The following ATP8A2 variants were observed in gnomAD, a reference collection of about 807,000 sequenced individuals.
The protein encoded by ATP8A2 is ATPase phospholipid transporting 8A2.
ATP8A2 carries 100 observed loss-of-function variants against 165.6 expected under a neutral mutation model. The observed-to-expected ratio is 0.60, with a 90% confidence interval of 0.51 to 0.71. The LOEUF is 0.71. Ranked by LOEUF, ATP8A2 falls within the 30% of genes least tolerant of loss-of-function variation. ATP8A2 has a pLI of 0.00. For synonymous variants in ATP8A2, 543 were observed against 548.8 expected (o/e 0.99, Z 0.15); for missense variants, 1,227 against 1,479.5 (o/e 0.83, Z 2.80).
intron 24 of ATP8A2, among the ~76,000 whole-genome samples, chr13:25,612,366 A>G (rs1417361170): frequency 6.6e-6 from 1 of 151,892 alleles, no homozygotes; most frequent in Non-Finnish European, 1.5e-5. Context: ...TAATTTTTAA[A>G]TTTTTCTCTT....
At chr13:25,768,648 G>T (rs990476312) in intron 25 of ATP8A2, among the ~76,000 whole-genome samples, 6 of 152,144 alleles carry the variant, frequency 3.9e-5, no homozygotes, top group Admixed American at 3.9e-4. Flanking sequence ...GGTTGTATAT[G>T]ATGTACCATA....
chr13:25,835,225 G>A (rs1459235650), intron 28 of ATP8A2, among the ~76,000 whole-genome samples: 1 of 152,140 alleles, frequency 6.6e-6, no homozygotes, highest in East Asian at 1.9e-4. Flanking sequence ...ATGGCTCCTG[G>A]CTTCTGGTAG....
At chr13:25,631,877 CA>C (rs1297628066) in intron 24 of ATP8A2, among the ~76,000 whole-genome samples, 3 of 148,508 alleles carry the variant, frequency 2.0e-5, no homozygotes, top group African/African-American at 7.4e-5. Flanking sequence ...GTTTTCCCAA[CA>C]TAGCAAACCA....
At chr13:25,654,414 A>G (rs1378395412) in intron 24 of ATP8A2, among the ~76,000 whole-genome samples, 1 of 152,168 alleles carries the variant, frequency 6.6e-6, no homozygotes, top group East Asian at 1.9e-4. Flanking sequence ...CATGTTGCCC[A>G]GATAGTTTTA....
At chr13:25,672,042 A>G (rs2042275577) in intron 24 of ATP8A2, among the ~76,000 whole-genome samples, 1 of 152,182 alleles carries the variant, frequency 6.6e-6, no homozygotes, top group Non-Finnish European at 1.5e-5. Context: ...AATAGAAAAG[A>G]ACCTACATGA....
chr13:25,902,001 T>G (rs1953764167), intron 33 of ATP8A2, among the ~76,000 whole-genome samples: 1 of 152,240 alleles, frequency 6.6e-6, no homozygotes, highest in Non-Finnish European at 1.5e-5. Context: ...CACAATAATC[T>G]AGTTATATTA....
At position 25,541,940 on chromosome 13, in the gene ATP8A2, A is replaced by G. The variant is rs772537768; in HGVS notation, c.673A>G (p.Met225Val). The G allele has an allele frequency of 6.2e-7, 1 of 1,614,148 alleles. No homozygotes were observed. Among genetic ancestry groups the G allele is most frequent in the Non-Finnish European group, 8.5e-7 (1 of 1,180,008 alleles). Residue 225 changes from methionine (M) to valine (V), a missense_variant, in exon 9 of 37, where the codon ATG (methionine) becomes GTG (valine). By Grantham distance (21) the Met-to-Val change is conservative. This residue lies in a region of ATP8A2 where 356 missense variants were observed against 394.9 expected (regional missense o/e 0.90). Transcript: ENST00000381655. ...TTAGGGTTTGAGTCACACTGCTGAC[A>G]TGCAAACACGTGAAGTTCTGATGAA... ...IRQGLSHTAD[M>V]QTREVLMKLS...
chr13:25,945,109 A>G (rs9507605), intron 33 of ATP8A2, among the ~76,000 whole-genome samples: 33,916 of 152,096 alleles, frequency 0.22, 3,844 homozygotes, highest in Admixed American at 0.26. Flanking sequence ...GGTGGGAGGA[A>G]GTGAGGGTTG....
chr13:25,637,054 T>C (rs902776267), intron 24 of ATP8A2, among the ~76,000 whole-genome samples: 3 of 130,842 alleles, frequency 2.3e-5, no homozygotes, highest in Non-Finnish European at 4.6e-5. Flanking sequence ...TGCACCACTA[T>C]TGCACTCTGG....
intron 27 of ATP8A2, among the ~76,000 whole-genome samples, chr13:25,824,841 T>G (rs1951273776): frequency 6.6e-6 from 1 of 152,156 alleles, no homozygotes; most frequent in African/African-American, 2.4e-5. Flanking sequence ...AAAAAGCATA[T>G]TGCCCTTCAG....
intron 24 of ATP8A2, among the ~76,000 whole-genome samples, chr13:25,639,682 TAGAC>T (rs1262801239): frequency 6.6e-6 from 1 of 152,038 alleles, no homozygotes; most frequent in African/African-American, 2.4e-5. Context: ...CTGTCAACAT[TAGAC>T]AGATCAATGA....
At chr13:25,836,215 T>C (rs921939092) in intron 28 of ATP8A2, among the ~76,000 whole-genome samples, 3 of 152,132 alleles carry the variant, frequency 2.0e-5, no homozygotes, top group Admixed American at 1.3e-4. Context: ...TTTGGAAAAC[T>C]GGCCTGTTTC....
At chr13:26,018,440 A>C (rs1957030837) in intron 36 of ATP8A2, among the ~76,000 whole-genome samples, 1 of 152,216 alleles carries the variant, frequency 6.6e-6, no homozygotes, top group African/African-American at 2.4e-5. Flanking sequence ...ATTCATGGGC[A>C]CCCTTTTCGA....
At chr13:25,501,259 G>A (rs542010384) in intron 2 of ATP8A2, among the ~76,000 whole-genome samples, 11 of 152,330 alleles carry the variant, frequency 7.2e-5, no homozygotes, top group Admixed American at 5.2e-4. Context: ...ACCACCCAGG[G>A]CCACACATAG....
At chr13:25,396,682 T>C (rs575316499) in intron 1 of ATP8A2, among the ~76,000 whole-genome samples, 20 of 152,256 alleles carry the variant, frequency 1.3e-4, no homozygotes, top group Admixed American at 5.2e-4. Context: ...ACGAACTCTA[T>C]TTTGGGGCTG....
rs547117207 is a variant in ATP8A2 at position 25,623,164 on chromosome 13, G to A, written c.2211+33465G>A. The stretch of plus-strand genomic sequence containing the variant: ...TTTGGGAGGCCAAGGCGGGAGGATC[G>A]CTTGAGGCCAGGAATTCAAGACCAC... On this transcript the variant is annotated intron_variant, in intron 24 of 36. Coordinates refer to ENST00000381655, the MANE Select transcript of ATP8A2 (RefSeq NM_016529.6). Among the ~76,000 whole-genome samples, 207 of 152,122 alleles carry A rather than the reference G, an allele frequency of 1.4e-3. 1 individual carries two copies. Among genetic ancestry groups the A allele is most frequent in the Non-Finnish European group, 2.4e-3 (165 of 68,016 alleles).
intron 35 of ATP8A2, among the ~76,000 whole-genome samples, chr13:25,987,135 G>A (rs906999909): frequency 1.1e-4 from 16 of 152,168 alleles, no homozygotes; most frequent in African/African-American, 3.6e-4. Context: ...AAAGGACGGG[G>A]AAATGTAGTT....
chr13:25,542,451 A>G (rs957522071), intron 9 of ATP8A2, among the ~76,000 whole-genome samples: 15 of 152,042 alleles, frequency 9.9e-5, no homozygotes, highest in Admixed American at 8.5e-4. Flanking sequence ...GTTGAGTGAA[A>G]TGAACACTTA....
chr13:25,515,069 T>A lies in ATP8A2; in HGVS notation c.222-14930T>A, dbSNP rs545249953. 2.4e-3 allele frequency among the ~76,000 whole-genome samples: 366 copies of A among 152,300 alleles called. 1 individual carries two copies. Among genetic ancestry groups the A allele is most frequent in the African/African-American group, 8.5e-3 (355 of 41,554 alleles). ...AGTGTGGGCGGCCCCATCAAACAGT[T>A]GAAGCCCTGACCAGAACAACCCTCT... On this transcript the variant is annotated intron_variant, in intron 2 of 36. Coordinates refer to ENST00000381655, the MANE Select transcript of ATP8A2 (RefSeq NM_016529.6).
Sources: allele counts gnomAD v4.1 joint callset (sites outside exome capture counted in the v4.1 genomes callset), GRCh38; gene constraint gnomAD v4.1.1; regional missense constraint gnomAD v4.1.1; transcripts MANE v1.5; gene names NCBI Gene and HGNC (gene_info 2026-07-23, HGNC 2026-07-21).